Variants in ZDHHC14 observed in about 807,000 individuals in gnomAD.
The protein encoded by ZDHHC14 is palmitoyltransferase ZDHHC14.
Under a neutral mutation model 47.7 loss-of-function variants are expected in ZDHHC14, and 16 were observed. That is an observed-to-expected ratio of 0.34 (90% CI 0.23 to 0.51). ZDHHC14 has a LOEUF of 0.51. ZDHHC14 is among the 20% of genes least tolerant of loss of function. ZDHHC14 has a pLI of 0.97. For synonymous variants in ZDHHC14, 293 were observed against 278.9 expected, an observed-to-expected ratio of 1.05 and a Z score of -0.50; for missense variants, 515 against 662.5, an observed-to-expected ratio of 0.78 and a Z score of 2.44.
intron 2 of ZDHHC14, among the ~76,000 whole-genome samples, chr6:157,570,703 CTTTT>C (rs922581320): frequency 2.0e-5 from 3 of 151,662 alleles, no homozygotes; most frequent in African/African-American, 7.3e-5. Context: ...TAAACACTTT[CTTTT>C]TATTGTTTTT....
At chr6:157,663,821 G>T (rs1184721812) in intron 8 of ZDHHC14, among the ~76,000 whole-genome samples, 1 of 152,174 alleles carries the variant, frequency 6.6e-6, no homozygotes, top group Admixed American at 6.5e-5. Context: ...CATACCACAT[G>T]CTGTTCCAAG....
chr6:157,423,860 C>T (rs1778159019), intron 1 of ZDHHC14, among the ~76,000 whole-genome samples: 1 of 152,084 alleles, frequency 6.6e-6, no homozygotes, highest in African/African-American at 2.4e-5. Context: ...TCAGGTTCCA[C>T]CCCAGACCTG....
chr6:157,654,812 T>C (rs1004228168), intron 8 of ZDHHC14, among the ~76,000 whole-genome samples: 3 of 151,880 alleles, frequency 2.0e-5, no homozygotes, highest in Non-Finnish European at 2.9e-5. Flanking sequence ...GTCAGCTCAC[T>C]GCAACCTCTG....
At chr6:157,645,671 A>C (rs900610860) in intron 5 of ZDHHC14, 66 bp from the exon 6 acceptor site, 73 of 1,343,558 alleles carry the variant, frequency 5.4e-5, no homozygotes, top group Non-Finnish European at 6.8e-5. Context: ...TTTCGGTTCC[A>C]GGCCTCCATC....
At chr6:157,524,569 T>C (rs1187905932) in intron 1 of ZDHHC14, among the ~76,000 whole-genome samples, 1 of 152,276 alleles carries the variant, frequency 6.6e-6, no homozygotes, top group Non-Finnish European at 1.5e-5. Context: ...GTTTACATAT[T>C]AAGAAGACAA....
chr6:157,589,536 TAGTG>T (rs1481250607), intron 2 of ZDHHC14, among the ~76,000 whole-genome samples: 1 of 152,132 alleles, frequency 6.6e-6, no homozygotes, highest in East Asian at 1.9e-4. Flanking sequence ...ATTCTCATGA[TAGTG>T]AGTGAGTTCT....
chr6:157,607,220 G>A (rs1372693557), intron 3 of ZDHHC14, among the ~76,000 whole-genome samples: 1 of 152,138 alleles, frequency 6.6e-6, no homozygotes, highest in Non-Finnish European at 1.5e-5. Flanking sequence ...AGAAATCTCA[G>A]AGTCCCTGGT....
intron 1 of ZDHHC14, among the ~76,000 whole-genome samples, chr6:157,490,161 G>A (rs1779879399): frequency 6.6e-6 from 1 of 152,162 alleles, no homozygotes; most frequent in Admixed American, 6.5e-5. Context: ...TTGGGCGAGG[G>A]GGGAACAGGT....
chr6:157,464,676 A>G (rs1779164735), intron 1 of ZDHHC14, among the ~76,000 whole-genome samples: 1 of 152,124 alleles, frequency 6.6e-6, no homozygotes, highest in Non-Finnish European at 1.5e-5. Flanking sequence ...CTAATGATCT[A>G]TTATTGTCTT....
chr6:157,585,763 T>C (rs949009148), intron 2 of ZDHHC14, among the ~76,000 whole-genome samples: 1 of 152,202 alleles, frequency 6.6e-6, no homozygotes, highest in Non-Finnish European at 1.5e-5. Context: ...CGGCCCTTTT[T>C]GGGGGTGCTA....
intron 1 of ZDHHC14, among the ~76,000 whole-genome samples, chr6:157,392,949 G>A (rs562329148): frequency 5.8e-4 from 88 of 151,898 alleles, no homozygotes; most frequent in Non-Finnish European, 9.6e-4. Context: ...GCGCCATCTC[G>A]GCTCACCACA....
At chr6:157,606,778 C>G (rs972938040) in intron 3 of ZDHHC14, among the ~76,000 whole-genome samples, 1 of 152,172 alleles carries the variant, frequency 6.6e-6, no homozygotes, top group Non-Finnish European at 1.5e-5. Context: ...GGATTCCTGA[C>G]CTGGGTGACA....
At chr6:157,417,567 T>C (rs1778008262) in intron 1 of ZDHHC14, among the ~76,000 whole-genome samples, 1 of 152,220 alleles carries the variant, frequency 6.6e-6, no homozygotes, top group African/African-American at 2.4e-5. Context: ...ATCTTGGACA[T>C]AGAGTTTGGC....
At chr6:157,482,863 C>T (rs1779668612) in intron 1 of ZDHHC14, among the ~76,000 whole-genome samples, 1 of 152,044 alleles carries the variant, frequency 6.6e-6, no homozygotes, top group Non-Finnish European at 1.5e-5. Flanking sequence ...CTGCCTCAGC[C>T]TCCCGAGTAG....
At chr6:157,491,937 C>T (rs185276946) in intron 1 of ZDHHC14, among the ~76,000 whole-genome samples, 3 of 152,336 alleles carry the variant, frequency 2.0e-5, no homozygotes, top group Non-Finnish European at 4.4e-5. Context: ...TTTTCAGAAG[C>T]GCACAGAGCT....
At chr6:157,551,522 T>C (rs965258895) in intron 2 of ZDHHC14, among the ~76,000 whole-genome samples, 11 of 152,220 alleles carry the variant, frequency 7.2e-5, no homozygotes, top group African/African-American at 2.7e-4. Flanking sequence ...GGAAGAGTAA[T>C]GTCAGCATCG....
At chr6:157,442,705 GT>G (rs1778585092) in intron 1 of ZDHHC14, among the ~76,000 whole-genome samples, 4 of 152,322 alleles carry the variant, frequency 2.6e-5, no homozygotes, top group Admixed American at 2.6e-4. Context: ...CCTGCCAAAG[GT>G]GGCCCAAGTC....
At chr6:157,537,744 G>T (rs985618411) in intron 1 of ZDHHC14, among the ~76,000 whole-genome samples, 1 of 152,136 alleles carries the variant, frequency 6.6e-6, no homozygotes, top group Non-Finnish European at 1.5e-5. Context: ...AACACAGATG[G>T]CACTCAGCAT....
intron 1 of ZDHHC14, among the ~76,000 whole-genome samples, chr6:157,455,988 C>T (rs1250199368): frequency 6.6e-6 from 1 of 152,160 alleles, no homozygotes; most frequent in Non-Finnish European, 1.5e-5. Flanking sequence ...GAGAATTATC[C>T]TTAGGCCTCA....
Sources: gnomAD v4.1 joint callset for allele counts (sites outside exome capture counted in the v4.1 genomes callset) on GRCh38, gnomAD v4.1.1 for gene constraint, MANE v1.5 for transcripts, NCBI Gene and HGNC (gene_info 2026-07-23, HGNC 2026-07-21) for gene names.